PDZD2: variants seen among roughly 807,000 people sequenced by gnomAD.
PDZD2 encodes PDZ domain containing 2, also known as PDZ domain-containing protein 2.
PDZD2 carries 90 observed loss-of-function variants against 220.7 expected under a neutral mutation model. That is an observed-to-expected ratio of 0.41 (90% CI 0.34 to 0.49). The LOEUF is 0.49. PDZD2 is among the 20% of genes least tolerant of loss of function. The pLI is 0.28. For synonymous variants in PDZD2, 1,375 were observed against 1,450.5 expected, an observed-to-expected ratio of 0.95 and a Z score of 1.18; for missense variants, 3,174 against 3,608.5, an observed-to-expected ratio of 0.88 and a Z score of 3.08.
At chr5:32,041,632 G>A (rs1018333107) in intron 7 of PDZD2, among the ~76,000 whole-genome samples, 10 of 152,172 alleles carry the variant, frequency 6.6e-5, no homozygotes, top group Admixed American at 2.0e-4. Flanking sequence ...TTAAACAAAT[G>A]CTTGAAGGCA....
chr5:31,785,940 C>T (rs1356029444), intron 1 of PDZD2, among the ~76,000 whole-genome samples: 1 of 152,096 alleles, frequency 6.6e-6, no homozygotes, highest in Admixed American at 6.5e-5. Flanking sequence ...GCCATGATGG[C>T]ACATGAGTAG....
At chr5:31,668,005 G>T (rs988889091) in intron 1 of PDZD2, among the ~76,000 whole-genome samples, 1 of 151,868 alleles carries the variant, frequency 6.6e-6, no homozygotes, top group Non-Finnish European at 1.5e-5. Flanking sequence ...GGGACTACAG[G>T]CGCCCACCAC....
chr5:31,863,570 A>G (rs1737919080), intron 2 of PDZD2, among the ~76,000 whole-genome samples: 1 of 152,210 alleles, frequency 6.6e-6, no homozygotes, highest in Non-Finnish European at 1.5e-5. Flanking sequence ...ATGTAAGTGG[A>G]AAAATGCATT....
intron 2 of PDZD2, among the ~76,000 whole-genome samples, chr5:31,931,085 C>A (rs35716764): frequency 6.6e-6 from 1 of 152,052 alleles, no homozygotes; most frequent in Non-Finnish European, 1.5e-5. Flanking sequence ...TATAGTGGCG[C>A]GATCTCAGCT....
intron 6 of PDZD2, among the ~76,000 whole-genome samples, chr5:32,026,144 T>TTTC (rs1754642639): frequency 6.6e-6 from 1 of 151,636 alleles, no homozygotes; most frequent in Non-Finnish European, 1.5e-5. Context: ...TACTATTTTT[T>TTTC]TTTTTTTTTG....
chr5:31,795,955 T>C (rs1753998096), intron 1 of PDZD2, among the ~76,000 whole-genome samples: 2 of 152,096 alleles, frequency 1.3e-5, no homozygotes, highest in Admixed American at 6.5e-5. Context: ...TTCCAACAAT[T>C]TTTCCTCTTC....
intron 1 of PDZD2, among the ~76,000 whole-genome samples, chr5:31,791,726 A>G (rs991221374): frequency 6.6e-6 from 1 of 152,126 alleles, no homozygotes; most frequent in East Asian, 1.9e-4. Context: ...GCAGTAGGCA[A>G]TTTGACCAGA....
intron 1 of PDZD2, among the ~76,000 whole-genome samples, chr5:31,710,506 A>G (rs1302500938): frequency 2.6e-5 from 4 of 152,092 alleles, no homozygotes; most frequent in African/African-American, 7.2e-5. Context: ...TTTGACCCCT[A>G]GTTTCCTCAT....
intron 1 of PDZD2, among the ~76,000 whole-genome samples, chr5:31,774,970 C>T (rs1399488166): frequency 6.6e-6 from 1 of 152,190 alleles, no homozygotes; most frequent in African/African-American, 2.4e-5. Flanking sequence ...TAAACACTCC[C>T]ACCATGGCTG....
chr5:32,005,619 G>A (rs1388673183), intron 5 of PDZD2, among the ~76,000 whole-genome samples: 3 of 151,978 alleles, frequency 2.0e-5, no homozygotes, highest in Non-Finnish European at 2.9e-5. Flanking sequence ...CTTCCAGCTG[G>A]GAACATCTGT....
At chr5:31,892,920 T>G (rs1379154198) in intron 2 of PDZD2, among the ~76,000 whole-genome samples, 1 of 151,976 alleles carries the variant, frequency 6.6e-6, no homozygotes, top group Non-Finnish European at 1.5e-5. Context: ...GACAGGTGTG[T>G]AGACACACGC....
chr5:31,645,785 A>G (rs1262694127), intron 1 of PDZD2, among the ~76,000 whole-genome samples: 2 of 152,072 alleles, frequency 1.3e-5, no homozygotes, highest in Non-Finnish European at 2.9e-5. Context: ...GCACTCATAT[A>G]GTGTAGAATT....
At chr5:31,807,005 A>G (rs1580794956) in intron 2 of PDZD2, among the ~76,000 whole-genome samples, 1 of 146,164 alleles carries the variant, frequency 6.8e-6, no homozygotes. Context: ...CGCGATCTCG[A>G]CTCACTGCAA....
chr5:32,015,293 C>G (rs1753704370), intron 6 of PDZD2, among the ~76,000 whole-genome samples: 1 of 152,070 alleles, frequency 6.6e-6, no homozygotes, highest in South Asian at 2.1e-4. Context: ...GGTACCCAGG[C>G]TGAAGTGCAG....
intron 2 of PDZD2, among the ~76,000 whole-genome samples, chr5:31,939,010 T>C (rs1295270778): frequency 6.6e-6 from 1 of 152,230 alleles, no homozygotes; most frequent in East Asian, 1.9e-4. Context: ...TTCAACCATC[T>C]TTCCTCCTAT....
intron 2 of PDZD2, among the ~76,000 whole-genome samples, chr5:31,813,750 T>C (rs541636731): frequency 3.1e-4 from 47 of 152,262 alleles, no homozygotes; most frequent in Admixed American, 2.9e-3. Context: ...GATGCACAGA[T>C]CCACAGATGT....
At position 31,796,911 on chromosome 5, in the gene PDZD2, T is replaced by TG. The variant is rs541964399; in HGVS notation, c.-360-1978_-360-1977insG. Among the ~76,000 whole-genome samples, 41 of 150,334 alleles carry TG rather than the reference T, an allele frequency of 2.7e-4. No individual in the cohort carries two copies. The South Asian group carries it at 6.1e-3, about 22-fold the overall frequency. On this transcript the variant is annotated intron_variant, in intron 1 of 24. Coordinates refer to ENST00000438447, the MANE Select transcript of PDZD2 (RefSeq NM_178140.4). ...TTGACCAAGATATTTACGGGGTTTT[T>TG]TTTGTTTGTTTTTTGTTTTTTTGTT...
intron 2 of PDZD2, chr5:31,822,992 C>T (rs1755978890): frequency 2.3e-5 from 27 of 1,184,290 alleles, no homozygotes; most frequent in South Asian, 2.2e-4. Context: ...TTTTTCTTTC[C>T]GAGAAGACTG....
intron 2 of PDZD2, among the ~76,000 whole-genome samples, chr5:31,939,987 G>A (rs183470507): frequency 1.4e-4 from 22 of 152,322 alleles, no homozygotes; most frequent in East Asian, 1.2e-3. Flanking sequence ...CAATAATTTC[G>A]TGGCTCAGTG....
Sources: allele counts gnomAD v4.1 joint callset (sites outside exome capture counted in the v4.1 genomes callset), GRCh38; gene constraint gnomAD v4.1.1; transcripts MANE v1.5; gene names NCBI Gene and HGNC (gene_info 2026-07-23, HGNC 2026-07-21).